DGKI: variants seen among roughly 807,000 people sequenced by gnomAD.
DGKI encodes DAG kinase iota.
Under a neutral mutation model 147.5 loss-of-function variants are expected in DGKI, and 55 were observed. The observed-to-expected ratio is 0.37, with a 90% CI of 0.30 to 0.47. The LOEUF is 0.47. Ranked by LOEUF, DGKI falls within the 20% of genes least tolerant of loss-of-function variation. DGKI has a pLI of 1.00. For synonymous variants in DGKI, 469 were observed against 477.1 expected (o/e 0.98, Z 0.22); for missense variants, 1,007 against 1,323.8 (o/e 0.76, Z 3.71).
At chr7:137,778,434 G>T (rs1454674009) in intron 1 of DGKI, among the ~76,000 whole-genome samples, 3 of 152,174 alleles carry the variant, frequency 2.0e-5, no homozygotes, top group Non-Finnish European at 4.4e-5. Flanking sequence ...AAAATGGTTT[G>T]CTTGGGTTTG....
chr7:137,619,498 T>A (rs1471627863), intron 8 of DGKI, among the ~76,000 whole-genome samples: 3 of 152,172 alleles, frequency 2.0e-5, no homozygotes, highest in Non-Finnish European at 4.4e-5. Flanking sequence ...CAGAGTTGTA[T>A]AAGCATCAGC....
intron 1 of DGKI, among the ~76,000 whole-genome samples, chr7:137,784,438 G>A (rs10954586): frequency 0.46 from 70,112 of 151,900 alleles, 18,207 homozygotes; most frequent in East Asian, 0.6. Context: ...TTTTAAATAC[G>A]TATGCACCTA....
chr7:137,499,252 C>G (rs1216279295), intron 21 of DGKI, among the ~76,000 whole-genome samples: 1 of 152,096 alleles, frequency 6.6e-6, no homozygotes, highest in Admixed American at 6.6e-5. Flanking sequence ...GGTACTTGTT[C>G]TATTTCTTAG....
At position 137,619,910 on chromosome 7, in the gene DGKI, G is replaced by T; in HGVS notation, c.907C>A (p.His303Asn). Reference sequence around the variant, plus strand: ...AGGGAGCAGGGTTCTTCAATGTGATGCAGCATGAAGCAGGTCACCTTATTG... The same window carrying T: ...AGGGAGCAGGGTTCTTCAATGTGATTCAGCATGAAGCAGGTCACCTTATTG... ...FHNKVTCFML[H>N]HIEEPCSLGA... is the part of the protein sequence containing the mutation. Residue 303 changes from histidine to asparagine, a missense_variant, in exon 8 of 33, where the codon CAT becomes AAT. Transcript: ENST00000614521. The T allele has an allele frequency of 6.2e-7, 1 of 1,613,634 alleles. No homozygotes were observed. The highest frequency in any genetic ancestry group is 8.5e-7 in the Non-Finnish European group (1 of 1,179,762).
intron 1 of DGKI, among the ~76,000 whole-genome samples, chr7:137,729,185 T>C (rs1794799064): frequency 6.6e-6 from 1 of 152,138 alleles, no homozygotes. Flanking sequence ...AAATACTGCC[T>C]ACTAATACAA....
At chr7:137,728,115 T>C (rs1180329089) in intron 1 of DGKI, among the ~76,000 whole-genome samples, 1 of 152,214 alleles carries the variant, frequency 6.6e-6, no homozygotes, top group Non-Finnish European at 1.5e-5. Flanking sequence ...TTCTGCAGAA[T>C]GTCTGGTCAA....
At position 137,387,857 on chromosome 7, in the gene DGKI, C is replaced by G. The variant is rs921799503; in HGVS notation, c.*3363G>C. 2 of 152,038 alleles carry G rather than the reference C, an allele frequency of 1.3e-5. No homozygotes were observed. The highest frequency in any genetic ancestry group is 4.8e-5 in the African/African-American group (2 of 41,414). The allele number at this position is 152,038 out of a possible 1,614,324, so 9.4% of individuals were successfully genotyped here. On this transcript the variant is annotated 3_prime_UTR_variant, in exon 33 of 33. Coordinates refer to ENST00000614521, the MANE Select transcript of DGKI (RefSeq NM_001321708.2). ...AAAGATGCTGTGTCATTTTTTAAAG[C>G]CATGAATATTATAAGGGGTCTAGTA...
intron 1 of DGKI, among the ~76,000 whole-genome samples, chr7:137,693,682 G>A (rs1376870588): frequency 6.6e-6 from 1 of 152,204 alleles, no homozygotes; most frequent in African/African-American, 2.4e-5. Flanking sequence ...TGCTTTCTGA[G>A]TTAATGAATG....
At chr7:137,754,260 C>T (rs1191855384) in intron 1 of DGKI, among the ~76,000 whole-genome samples, 1 of 152,162 alleles carries the variant, frequency 6.6e-6, no homozygotes, top group African/African-American at 2.4e-5. Context: ...AGAGTATCAG[C>T]CTCTGCCACA....
chr7:137,725,312 T>C (rs1442205331), intron 1 of DGKI, among the ~76,000 whole-genome samples: 4 of 152,192 alleles, frequency 2.6e-5, no homozygotes, highest in African/African-American at 4.8e-5. Flanking sequence ...ACATTTGAAA[T>C]ATATTCTTCT....
intron 21 of DGKI, among the ~76,000 whole-genome samples, chr7:137,516,059 G>A (rs1816734401): frequency 6.6e-6 from 1 of 152,038 alleles, no homozygotes; most frequent in African/African-American, 2.4e-5. Flanking sequence ...CCACCAAATG[G>A]AGGCCTAATC....
chr7:137,395,179 G>A (rs760421703), intron 32 of DGKI, among the ~76,000 whole-genome samples: 2 of 152,180 alleles, frequency 1.3e-5, no homozygotes, highest in Non-Finnish European at 2.9e-5. Context: ...CATATAAGGG[G>A]CCATATAAAT....
intron 28 of DGKI, among the ~76,000 whole-genome samples, 188 bp downstream of exon 28, chr7:137,443,889 G>C (rs1253663744): frequency 1.3e-5 from 2 of 152,190 alleles, no homozygotes; most frequent in Non-Finnish European, 2.9e-5. Flanking sequence ...GAACAGATTT[G>C]AAAGATATCA....
intron 20 of DGKI, among the ~76,000 whole-genome samples, chr7:137,541,899 T>C (rs980157317): frequency 6.7e-6 from 1 of 150,228 alleles, no homozygotes. Context: ...AAAAAAAAAA[T>C]CATCTGGATT....
At chr7:137,819,834 C>G (rs1490313523) in intron 1 of DGKI, among the ~76,000 whole-genome samples, 1 of 152,196 alleles carries the variant, frequency 6.6e-6, no homozygotes, top group East Asian at 1.9e-4. Context: ...AACAACTTGT[C>G]TTTTCTAGAA....
intron 1 of DGKI, among the ~76,000 whole-genome samples, chr7:137,714,545 T>C (rs956105820): frequency 6.6e-6 from 1 of 152,200 alleles, no homozygotes; most frequent in Non-Finnish European, 1.5e-5. Context: ...CAGGAAGCTA[T>C]GGATTGCCCA....
chr7:137,833,509 C>T (rs976384568), intron 1 of DGKI, among the ~76,000 whole-genome samples: 80 of 152,298 alleles, frequency 5.3e-4, no homozygotes, highest in African/African-American at 1.9e-3. Flanking sequence ...CACTGGGTCC[C>T]TCCCACAACA....
rs1562987255 is a variant in DGKI at position 137,386,837 on chromosome 7, T to C, written c.*4383A>G. ...TCAATTAAGATGCAGGCAGAAGCCA[T>C]TTTATATTAAATAAGTGTTAAAGAT... On this transcript the variant is annotated 3_prime_UTR_variant, in exon 33 of 33. Transcript: ENST00000614521. 1 of 152,102 alleles carries C rather than the reference T, an allele frequency of 6.6e-6. No individual in the cohort carries two copies. The highest frequency in any genetic ancestry group is 1.5e-5 in the Non-Finnish European group (1 of 67,988). 9.4% of individuals were successfully genotyped at this position (152,102 alleles called of 1,614,324 possible).
intron 21 of DGKI, 137 bp from the exon 22 acceptor site, chr7:137,487,826 G>T: frequency 1.4e-6 from 1 of 733,736 alleles, no homozygotes. Flanking sequence ...AAAGAAAGAA[G>T]TACTTTCTCC....
Sources: allele counts gnomAD v4.1 joint callset (sites outside exome capture counted in the v4.1 genomes callset), GRCh38; gene constraint gnomAD v4.1.1; transcripts MANE v1.5; gene names NCBI Gene and HGNC (gene_info 2026-07-23, HGNC 2026-07-21).